The following NEGR1 variants were observed in gnomAD, a reference collection of about 807,000 sequenced individuals.
The protein encoded by NEGR1 is IgLON family member 4.
In NEGR1, 10 loss-of-function variants were observed where a neutral mutation model predicts 40.9. The observed-to-expected ratio is 0.24, with a 90% CI of 0.15 to 0.42. The LOEUF is 0.42. NEGR1 is among the 10% of genes least tolerant of loss of function. The probability of loss-of-function intolerance (pLI) is 1.00; values close to 1 mark genes in which losing one functional copy is unlikely to be tolerated. For synonymous variants in NEGR1, 185 were observed against 166.8 expected, an observed-to-expected ratio of 1.11 and a Z score of -0.84; for missense variants, 352 against 438.9, an observed-to-expected ratio of 0.80 and a Z score of 1.77.
At chr1:71,583,160 G>T (rs1649191270) in intron 6 of NEGR1, among the ~76,000 whole-genome samples, 2 of 151,672 alleles carry the variant, frequency 1.3e-5, no homozygotes, top group African/African-American at 2.4e-5. Context: ...AAATAGGTGA[G>T]AGCCTATCAC....
intron 6 of NEGR1, among the ~76,000 whole-genome samples, chr1:71,569,409 C>A (rs1453048579): frequency 6.6e-6 from 1 of 152,066 alleles, no homozygotes; most frequent in Non-Finnish European, 1.5e-5. Context: ...AGAGCCAGCA[C>A]AGCTTGAGCT....
chr1:71,950,810 C>T (rs1646063542), intron 1 of NEGR1, among the ~76,000 whole-genome samples: 2 of 151,936 alleles, frequency 1.3e-5, no homozygotes, highest in Admixed American at 1.3e-4. Flanking sequence ...GTGCTTGTCT[C>T]CTTAGGTCCT....
chr1:71,541,624 T>C (rs1286214673), intron 6 of NEGR1, among the ~76,000 whole-genome samples: 1 of 151,764 alleles, frequency 6.6e-6, no homozygotes, highest in Non-Finnish European at 1.5e-5. Flanking sequence ...GTAAGCCAGG[T>C]GGGTAAGGAC....
intron 4 of NEGR1, among the ~76,000 whole-genome samples, chr1:71,633,686 A>T (rs756002068): frequency 1.3e-5 from 2 of 152,112 alleles, no homozygotes. Flanking sequence ...ACCCAAAGAA[A>T]GAAGAACAAC....
chr1:71,759,596 C>CATTTTTTTT (rs1655866326), intron 3 of NEGR1, among the ~76,000 whole-genome samples: 1 of 31,954 alleles, frequency 3.1e-5, no homozygotes, highest in Admixed American at 6.2e-4. Context: ...TGCGTCCAGG[C>CATTTTTTTT]TTTTTTTTTT....
At chr1:71,721,733 A>G (rs1220139586) in intron 3 of NEGR1, among the ~76,000 whole-genome samples, 1 of 152,120 alleles carries the variant, frequency 6.6e-6, no homozygotes, top group Non-Finnish European at 1.5e-5. Context: ...AGGAGGCCAC[A>G]TTGCCCCCGA....
intron 6 of NEGR1, among the ~76,000 whole-genome samples, chr1:71,510,331 A>G (rs1647064407): frequency 6.6e-6 from 1 of 152,230 alleles, no homozygotes; most frequent in South Asian, 2.1e-4. Flanking sequence ...AAAAGCAAAC[A>G]ACTTCTAGAG....
intron 1 of NEGR1, among the ~76,000 whole-genome samples, chr1:72,024,287 A>G (rs1480006348): frequency 1.3e-5 from 2 of 152,002 alleles, no homozygotes; most frequent in Non-Finnish European, 2.9e-5. Context: ...AAAAGTCTAT[A>G]ATATATATGT....
intron 6 of NEGR1, among the ~76,000 whole-genome samples, chr1:71,475,692 T>A (rs1364476180): frequency 6.6e-6 from 1 of 152,008 alleles, no homozygotes; most frequent in Admixed American, 6.6e-5. Flanking sequence ...GAATAAAACA[T>A]TCCTAAGAAG....
At chr1:72,226,713 T>A (rs1654202519) in intron 1 of NEGR1, among the ~76,000 whole-genome samples, 1 of 152,084 alleles carries the variant, frequency 6.6e-6, no homozygotes, top group South Asian at 2.1e-4. Flanking sequence ...AAAAATGGTA[T>A]TCCCATCCAT....
At chr1:72,197,189 A>G in intron 1 of NEGR1, among the ~76,000 whole-genome samples, 1 of 152,024 alleles carries the variant, frequency 6.6e-6, no homozygotes, top group East Asian at 1.9e-4. Flanking sequence ...GGCAAAATAC[A>G]AATAAATAAG....
chr1:72,081,851 C>T (rs887473847), intron 1 of NEGR1, among the ~76,000 whole-genome samples: 7 of 152,100 alleles, frequency 4.6e-5, no homozygotes, highest in African/African-American at 1.7e-4. Context: ...CTCCCTGACA[C>T]CTCTTAGCAA....
intron 4 of NEGR1, among the ~76,000 whole-genome samples, chr1:71,695,280 ATTTGGAAAAGGGTGAATTAT>A (rs1320415664): frequency 2.0e-5 from 3 of 151,824 alleles, no homozygotes; most frequent in Non-Finnish European, 4.4e-5. Context: ...TTCATGGAAC[ATTTGGAAAAGGGTGAATTAT>A]CAAAGGTATG....
intron 2 of NEGR1, among the ~76,000 whole-genome samples, chr1:71,804,448 C>A (rs181842569): frequency 6.7e-6 from 1 of 150,222 alleles, no homozygotes; most frequent in African/African-American, 2.4e-5. Flanking sequence ...CATGTGGAAT[C>A]ACAGTGTTGT....
chr1:72,138,259 A>G (rs1421304059), intron 1 of NEGR1, among the ~76,000 whole-genome samples: 1 of 152,062 alleles, frequency 6.6e-6, no homozygotes, highest in Non-Finnish European at 1.5e-5. Flanking sequence ...AAATGTAACA[A>G]TAAAAAACCA....
intron 6 of NEGR1, among the ~76,000 whole-genome samples, chr1:71,588,121 G>A (rs1294214235): frequency 6.6e-6 from 1 of 152,122 alleles, no homozygotes; most frequent in Non-Finnish European, 1.5e-5. Flanking sequence ...CCACTAAAGT[G>A]ATAGCATACA....
In NEGR1 at chr1:72,202,455, A is replaced by T. The variant is rs79176605; in HGVS notation, c.176+79864T>A. Among the ~76,000 whole-genome samples the T allele has an allele frequency of 3.2e-3, 492 of 152,142 alleles. 18 individuals are homozygous for T. The East Asian group carries it at 0.072, about 22-fold the overall frequency. On this transcript the variant is annotated intron_variant, in intron 1 of 6. Coordinates refer to ENST00000357731, the MANE Select transcript of NEGR1 (RefSeq NM_173808.3). ...CCAAAACTGAGACTCTAAAGACTAGATCTCTTGAGCAAAATAGCCAAGTTG... is the reference window on the plus strand; with the variant it reads ...CCAAAACTGAGACTCTAAAGACTAGTTCTCTTGAGCAAAATAGCCAAGTTG...
At chr1:71,557,495 T>C (rs968009022) in intron 6 of NEGR1, among the ~76,000 whole-genome samples, 2 of 151,718 alleles carry the variant, frequency 1.3e-5, no homozygotes, top group African/African-American at 4.8e-5. Context: ...TGATAAAACA[T>C]TTCTAATGTC....
intron 1 of NEGR1, among the ~76,000 whole-genome samples, chr1:71,974,621 T>C (rs1646286023): frequency 6.6e-6 from 1 of 152,144 alleles, no homozygotes; most frequent in South Asian, 2.1e-4. Context: ...TTTAAAAATT[T>C]AAGGGCAAGA....
Sources: allele counts gnomAD v4.1 joint callset (sites outside exome capture counted in the v4.1 genomes callset), GRCh38; gene constraint gnomAD v4.1.1; transcripts MANE v1.5; gene names NCBI Gene and HGNC (gene_info 2026-07-23, HGNC 2026-07-21).